Variants in CENPF observed in about 807,000 individuals in gnomAD.
CENPF encodes the protein centromere protein F.
CENPF carries 214 observed loss-of-function variants against 307.3 expected under a neutral mutation model. That is an observed-to-expected ratio of 0.70 (90% CI 0.62 to 0.78). CENPF has a LOEUF of 0.78. CENPF is among the 30% of genes least tolerant of loss of function. The probability of loss-of-function intolerance (pLI) is 0.00; values close to 1 mark genes in which losing one functional copy is unlikely to be tolerated. For missense variants in CENPF, 3,401 were observed against 3,483.9 expected, an observed-to-expected ratio of 0.98 and a Z score of 0.60; for synonymous variants, 1,259 against 1,270.6, an observed-to-expected ratio of 0.99 and a Z score of 0.19.
intron 9 of CENPF, 143 bp downstream of exon 9, chr1:214,630,805 A>G: frequency 9.3e-7 from 1 of 1,076,212 alleles, no homozygotes; most frequent in Non-Finnish European, 1.3e-6. Context: ...GAGAATGTAC[A>G]GAACCATTCT....
chr1:214,663,840 T>C lies in CENPF; in HGVS notation c.*46T>C. ...CCCCTGGGAGGTGCCAGTCATTGAA[T>C]AGATAAGGCTGTGCCTACAGGACTT... is the stretch of plus-strand genomic sequence containing the variant. On this transcript the variant is annotated 3_prime_UTR_variant, in exon 20 of 20. Transcript: ENST00000366955. The C allele has an allele frequency of 6.7e-7, 1 of 1,499,788 alleles. No individual in the cohort carries two copies. The highest frequency in any genetic ancestry group is 9.2e-7 in the Non-Finnish European group (1 of 1,086,914). The allele number at this position is 1,499,788 out of a possible 1,614,324, so 92.9% of individuals were successfully genotyped here. A position where few individuals can be genotyped will look rare whatever the true frequency, so the allele number is the denominator to read the frequency against.
chr1:214,605,484 C>T, intron 1 of CENPF: 73 of 469,630 alleles, frequency 1.6e-4, no homozygotes, highest in South Asian at 6.1e-4. Context: ...TTTCTGTTTT[C>T]ACGTATTTTC....
intron 8 of CENPF, 115 bp from the exon 9 acceptor site, chr1:214,630,417 GCT>G: frequency 7.9e-7 from 1 of 1,263,184 alleles, no homozygotes; most frequent in Non-Finnish European, 1.1e-6. Context: ...AGTTGGCTCA[GCT>G]CCCTGCTGTC....
chr1:214,644,465 G>A (rs778414670), intron 12 of CENPF, 92 bp from the exon 13 acceptor site: 124 of 1,174,542 alleles, frequency 1.1e-4, no homozygotes, highest in South Asian at 1.5e-4. Flanking sequence ...CAGAGGCCAC[G>A]CATCAGTTTC....
Position 214,640,773 on chromosome 1 carries a change from G to A in CENPF, c.2435G>A (p.Ser812Asn), listed in dbSNP as rs757494649. 1.9e-6 allele frequency: 3 copies of A among 1,613,274 alleles called. No individual in the cohort carries two copies. Among genetic ancestry groups the A allele is most frequent in the Non-Finnish European group, 2.5e-6 (3 of 1,179,822 alleles). Residue 812 changes from serine (S) to asparagine (N), a missense_variant, in exon 12 of 20, where the codon AGT becomes AAT. Coordinates refer to ENST00000366955, the MANE Select transcript of CENPF (RefSeq NM_016343.4). ...GEQGSMPSER[S>N]ECRLEADQSP... ...CAAGGAAGCATGCCTTCAGAGAGGA[G>A]TGAATGTCGTTTAGAAGCAGACCAA...
At chr1:214,636,072 C>T (rs1354540941) in intron 10 of CENPF, among the ~76,000 whole-genome samples, 1 of 152,080 alleles carries the variant, frequency 6.6e-6, no homozygotes, top group African/African-American at 2.4e-5. Flanking sequence ...ATTCTAGTTC[C>T]TCTTCTATGT....
chr1:214,654,979 GT>G (rs1181617204), intron 16 of CENPF, among the ~76,000 whole-genome samples: 5 of 152,150 alleles, frequency 3.3e-5, no homozygotes, highest in Non-Finnish European at 1.5e-5. Context: ...TACAGACATA[GT>G]GGGCACTTAA....
Position 214,659,123 on chromosome 1 carries a change from C to G in CENPF, c.9141+95C>G. Reference sequence around the variant, plus strand: ...GGACACTGCACCCCCGATTCAGGAGCGCTTTCAAAAAGTCTGACCTTCTTG... The same window carrying G: ...GGACACTGCACCCCCGATTCAGGAGGGCTTTCAAAAAGTCTGACCTTCTTG... On this transcript the variant is annotated intron_variant, in intron 19 of 19. Coordinates refer to ENST00000366955, the MANE Select transcript of CENPF (RefSeq NM_016343.4). The surrounding 1 kb of genome is among the most constrained non-coding windows in gnomAD (Gnocchi z 4.4). The G allele has an allele frequency of 4.4e-6, 6 of 1,358,088 alleles. No homozygotes were observed. Among genetic ancestry groups the G allele is most frequent in the Non-Finnish European group, 4.0e-6 (4 of 988,376 alleles). The allele number at this position is 1,358,088 out of a possible 1,614,324, so 84.1% of individuals were successfully genotyped here.
At position 214,645,235 on chromosome 1, in the gene CENPF, G is replaced by T. The variant is rs778997407; in HGVS notation, c.5665G>T (p.Val1889Leu). Residue 1889 changes from valine (V) to leucine (L), a missense_variant, in exon 13 of 20, where the codon GTG becomes TTG. Val to Leu is a conservative substitution (Grantham distance 32, BLOSUM62 1). Transcript: ENST00000366955. ...REDIGDNVAK[V>L]NDSWKERFLD... ...AGATATTGGAGATAATGTGGCCAAG[G>T]TGAATGACAGCTGGAAGGAGAGATT... 1.6e-5 allele frequency: 26 copies of T among 1,613,968 alleles called. No individual in the cohort carries two copies. The highest frequency in any genetic ancestry group is 2.0e-5 in the Non-Finnish European group (24 of 1,180,018).
In CENPF at chr1:214,645,347, A is replaced by G. The variant is rs1378560938; in HGVS notation, c.5777A>G (p.Glu1926Gly). 3 of 1,614,032 alleles carry G rather than the reference A, an allele frequency of 1.9e-6. No individual in the cohort carries two copies. The highest frequency in any genetic ancestry group is 1.7e-5 in the Admixed American group (1 of 59,982). Residue 1926 changes from glutamate (E) to glycine (G), a missense_variant, in exon 13 of 20, where the codon GAG becomes GGG. Transcript: ENST00000366955. ...GCCCTCTACCTGGAGGCTGACTTAG[A>G]GGTAGTTCAAACAGAGAAGCTATGT... ...HEALYLEADL[E>G]VVQTEKLCLE...
In CENPF at chr1:214,620,844, A is replaced by G. The variant is rs746278551; in HGVS notation, c.763A>G (p.Ser255Gly). Residue 255 changes from serine to glycine, a missense_variant, in exon 6 of 20, where the codon AGT becomes GGT. Physicochemically the swap from Ser to Gly is moderately conservative, Grantham distance 56. Coordinates refer to ENST00000366955, the MANE Select transcript of CENPF (RefSeq NM_016343.4). The stretch of plus-strand genomic sequence containing the variant: ...TTCTGGGGAACAAGAGGTGACTCCA[A>G]GTCGATCAACTTTGCAAATAGGGAA... ...YFSGEQEVTPSRSTLQIGKRD... is the reference protein window; with the variant it reads ...YFSGEQEVTPGRSTLQIGKRD... 2.5e-6 allele frequency: 4 copies of G among 1,614,258 alleles called. No homozygotes were observed. Among genetic ancestry groups the G allele is most frequent in the Middle Eastern group, 1.6e-4 (1 of 6,062 alleles).
chr1:214,624,000 T>G (rs887563683), intron 7 of CENPF, among the ~76,000 whole-genome samples: 2 of 151,770 alleles, frequency 1.3e-5, no homozygotes, highest in African/African-American at 4.8e-5. Flanking sequence ...TTTGTTTACT[T>G]AAAACTTTTA....
intron 1 of CENPF, chr1:214,608,169 T>G (rs2102524361): frequency 2.3e-6 from 2 of 860,966 alleles, no homozygotes; most frequent in Non-Finnish European, 3.5e-6. Flanking sequence ...AGCTCGCCTG[T>G]CCGGCTCTCT....
At chr1:214,638,070 T>C in intron 11 of CENPF, 69 bp downstream of exon 11, 6 of 1,432,016 alleles carry the variant, frequency 4.2e-6, no homozygotes, top group Non-Finnish European at 5.6e-6. Context: ...ATGGATGGCA[T>C]TAACATATTA....
intron 10 of CENPF, among the ~76,000 whole-genome samples, chr1:214,635,870 G>C (rs1217905527): frequency 6.6e-6 from 1 of 152,006 alleles, no homozygotes; most frequent in African/African-American, 2.4e-5. Flanking sequence ...TCTTTCCCTG[G>C]TGCCCTCTCT....
At chr1:214,654,122 A>C (rs1440272247) in intron 16 of CENPF, 1 of 151,812 alleles carries the variant, frequency 6.6e-6, no homozygotes, top group African/African-American at 2.4e-5. Context: ...GAAATTCATG[A>C]TGCCATATCA....
At position 214,645,755 on chromosome 1, in the gene CENPF, A is replaced by T; in HGVS notation, c.6185A>T (p.Asn2062Ile). 6.2e-7 allele frequency: 1 copy of T among 1,614,206 alleles called. No homozygotes were observed. Among genetic ancestry groups the T allele is most frequent in the East Asian group, 2.2e-5 (1 of 44,880 alleles). The change falls in exon 13 of 20, where the codon AAT becomes ATT. Residue 2062 changes from asparagine to isoleucine, a missense_variant. Physicochemically the swap from Asn to Ile is moderately radical, Grantham distance 149. Transcript: ENST00000366955. ...CTGGAAAACCAAATTGCACAACTGAATAAAGAGAAAGAATTGCTTGTCAAG... is the reference window on the plus strand; with the variant it reads ...CTGGAAAACCAAATTGCACAACTGATTAAAGAGAAAGAATTGCTTGTCAAG... ...CELENQIAQL[N>I]KEKELLVKES...
chr1:214,639,831 A>C, intron 11 of CENPF, 90 bp from the exon 12 acceptor site: 4 of 637,976 alleles, frequency 6.3e-6, no homozygotes, highest in South Asian at 2.8e-5. Context: ...GTTTGTTTGG[A>C]TTTTGCCAGG....
intron 5 of CENPF, 138 bp from the exon 6 acceptor site, chr1:214,620,517 G>A: frequency 1.2e-6 from 1 of 855,284 alleles, no homozygotes; most frequent in Non-Finnish European, 1.9e-6. Context: ...TGGTTTACTT[G>A]ACTTGATGAA....
Sources: allele counts gnomAD v4.1 joint callset (sites outside exome capture counted in the v4.1 genomes callset), GRCh38; gene constraint gnomAD v4.1.1; non-coding constraint Gnocchi (gnomAD v3.1); transcripts MANE v1.5; gene names NCBI Gene and HGNC (gene_info 2026-07-23, HGNC 2026-07-21).